Variants in HSD17B12 observed in about 807,000 individuals in gnomAD.
The protein encoded by HSD17B12 is hydroxysteroid 17-beta dehydrogenase 12.
HSD17B12 carries 32 observed loss-of-function variants against 39.3 expected under a neutral mutation model. The ratio of observed to expected loss-of-function variants is 0.81; its 90% CI spans 0.61 to 1.09. HSD17B12 has a LOEUF of 1.09. Among genes scored for constraint, HSD17B12 ranks in the 50% least tolerant of loss-of-function variants. The probability of loss-of-function intolerance (pLI) is 0.00; values close to 1 mark genes in which losing one functional copy is unlikely to be tolerated. For missense variants in HSD17B12, 342 were observed against 382.9 expected, an observed-to-expected ratio of 0.89 and a Z score of 0.89; for synonymous variants, 150 against 146.7, an observed-to-expected ratio of 1.02 and a Z score of -0.16.
chr11:43,581,489 G>C, the HSD17B12 span: 1 of 499,816 alleles, frequency 2.0e-6, no homozygotes, highest in Non-Finnish European at 4.2e-6. This position sits in a 1 kb window ranked among gnomAD's most constrained non-coding sequence, Gnocchi z 4.9. Context: ...GGGCGCACTC[G>C]TCGAGAAGAC....
At chr11:43,643,680 A>G in the HSD17B12 span, among the ~76,000 whole-genome samples, 26 of 152,216 alleles carry the variant, frequency 1.7e-4, no homozygotes, top group Non-Finnish European at 3.5e-4. Flanking sequence ...TTGGAGTCGC[A>G]TAATTTTTTT....
chr11:43,606,866 A>G, the HSD17B12 span, among the ~76,000 whole-genome samples: 1 of 152,228 alleles, frequency 6.6e-6, no homozygotes, highest in Non-Finnish European at 1.5e-5. Context: ...AGGCACCCAC[A>G]TAAAAATCAG....
intron 4 of HSD17B12, among the ~76,000 whole-genome samples, chr11:43,801,641 T>G (rs1950970807): frequency 6.6e-6 from 1 of 150,762 alleles, no homozygotes; most frequent in Admixed American, 6.7e-5. Context: ...TGTATATGTA[T>G]GTATGTATAT....
At chr11:43,637,914 G>A in the HSD17B12 span, among the ~76,000 whole-genome samples, 3 of 152,202 alleles carry the variant, frequency 2.0e-5, no homozygotes, top group Non-Finnish European at 4.4e-5. Flanking sequence ...AAGCCAGTGA[G>A]TAATAATTAG....
the HSD17B12 span, among the ~76,000 whole-genome samples, chr11:43,649,229 C>A: frequency 6.6e-6 from 1 of 151,600 alleles, no homozygotes; most frequent in Non-Finnish European, 1.5e-5. Flanking sequence ...CTTTTGTGTA[C>A]CATTTGCTAT....
At chr11:43,782,374 T>A (rs546987046) in intron 3 of HSD17B12, among the ~76,000 whole-genome samples, 1 of 152,106 alleles carries the variant, frequency 6.6e-6, no homozygotes, top group African/African-American at 2.4e-5. Flanking sequence ...CAAATTATAA[T>A]CTGTTAATTA....
intron 1 of HSD17B12, among the ~76,000 whole-genome samples, chr11:43,743,190 A>G (rs1950384355): frequency 6.6e-6 from 1 of 152,218 alleles, no homozygotes; most frequent in African/African-American, 2.4e-5. Flanking sequence ...AAGTTAGTGT[A>G]CTTTGGTATA....
intron 1 of HSD17B12, among the ~76,000 whole-genome samples, chr11:43,695,880 G>A (rs1022951496): frequency 2.0e-5 from 3 of 152,140 alleles, no homozygotes; most frequent in Admixed American, 6.5e-5. Flanking sequence ...AGGGGTGCAA[G>A]TGAACGTTTG....
At chr11:43,673,492 C>CTTTTTTTTTTTTTTT in the HSD17B12 span, 1 of 83,874 alleles carries the variant, frequency 1.2e-5, no homozygotes, top group Non-Finnish European at 2.2e-5. Context: ...CTTTTCTTTT[C>CTTTTTTTTTTTTTTT]TTTTTTTTTT....
intron 3 of HSD17B12, 151 bp from the exon 4 acceptor site, chr11:43,798,169 C>T (rs1950931148): frequency 1.7e-6 from 1 of 592,928 alleles, no homozygotes; most frequent in African/African-American, 1.9e-5. Context: ...TAGATGGTCT[C>T]ATGATTGCTT....
At chr11:43,807,870 A>G (rs1396608744) in intron 4 of HSD17B12, among the ~76,000 whole-genome samples, 1 of 152,214 alleles carries the variant, frequency 6.6e-6, no homozygotes, top group African/African-American at 2.4e-5. Context: ...GCCGACATGC[A>G]TTGAGCACTC....
At chr11:43,818,288 C>T in intron 6 of HSD17B12, among the ~76,000 whole-genome samples, 1 of 152,066 alleles carries the variant, frequency 6.6e-6, no homozygotes, top group East Asian at 1.9e-4. Flanking sequence ...AATAGTTACT[C>T]ATAATAACTA....
intron 2 of HSD17B12, among the ~76,000 whole-genome samples, chr11:43,753,840 A>C (rs1414513353): frequency 6.6e-6 from 1 of 152,200 alleles, no homozygotes; most frequent in African/African-American, 2.4e-5. Context: ...AAACCCTTTC[A>C]CATTTAAATA....
At chr11:43,749,950 G>A (rs776759577) in intron 1 of HSD17B12, among the ~76,000 whole-genome samples, 8 of 152,190 alleles carry the variant, frequency 5.3e-5, no homozygotes, top group African/African-American at 9.6e-5. Flanking sequence ...CCAGAGATAA[G>A]ATATCATGGT....
chr11:43,742,003 G>A (rs1950369772), intron 1 of HSD17B12, among the ~76,000 whole-genome samples: 1 of 149,036 alleles, frequency 6.7e-6, no homozygotes, highest in African/African-American at 2.5e-5. Context: ...CAAAGTGCTG[G>A]GATTACAGGC....
chr11:43,656,511 C>G, the HSD17B12 span, among the ~76,000 whole-genome samples: 3 of 152,184 alleles, frequency 2.0e-5, no homozygotes, highest in Admixed American at 6.5e-5. Flanking sequence ...AATTTTAGAT[C>G]TTTCCTGCTT....
the HSD17B12 span, among the ~76,000 whole-genome samples, chr11:43,567,399 T>G: frequency 1.3e-5 from 2 of 152,120 alleles, no homozygotes; most frequent in African/African-American, 2.4e-5. Context: ...GTCTCTAAAG[T>G]TCAAAAACAC....
the HSD17B12 span, among the ~76,000 whole-genome samples, chr11:43,610,444 C>T: frequency 2.0e-5 from 3 of 152,112 alleles, no homozygotes; most frequent in Non-Finnish European, 4.4e-5. Flanking sequence ...TAGTAGGAGT[C>T]TTGGTTTAAG....
intron 1 of HSD17B12, among the ~76,000 whole-genome samples, chr11:43,704,377 A>G (rs1479104814): frequency 6.6e-6 from 1 of 152,332 alleles, no homozygotes; most frequent in East Asian, 1.9e-4. Flanking sequence ...CTGACTAAAT[A>G]CTGAACGAAC....
Sources: allele counts gnomAD v4.1 joint callset (sites outside exome capture counted in the v4.1 genomes callset), GRCh38; gene constraint gnomAD v4.1.1; non-coding constraint Gnocchi (gnomAD v3.1); transcripts MANE v1.5; gene names NCBI Gene and HGNC (gene_info 2026-07-23, HGNC 2026-07-21).